LLPH: variants seen among roughly 807,000 people sequenced by gnomAD.
LLPH encodes the protein protein LLP homolog.
In LLPH, 5 loss-of-function variants were observed where a neutral mutation model predicts 13.3. That is an observed-to-expected ratio of 0.38 (90% CI 0.20 to 0.79). LLPH has a LOEUF of 0.79. Among genes scored for constraint, LLPH ranks in the 30% least tolerant of loss-of-function variants. The probability of loss-of-function intolerance (pLI) is 0.45; values close to 1 mark genes in which losing one functional copy is unlikely to be tolerated. For synonymous variants in LLPH, 32 were observed against 44.2 expected (o/e 0.72, Z 1.09); for missense variants, 129 against 152.1 (o/e 0.85, Z 0.80).
intron 2 of LLPH, among the ~76,000 whole-genome samples, chr12:66,124,319 C>A (rs538238402): frequency 3.0e-4 from 45 of 152,286 alleles, no homozygotes; most frequent in African/African-American, 1.0e-3. Flanking sequence ...AGTAAGCATA[C>A]CTACACTTCT....
rs963303795 is a variant in LLPH, at chr12:66,122,033, T to C, written c.*1807A>G. On this transcript the variant is annotated 3_prime_UTR_variant, in exon 3 of 3. Transcript: ENST00000266604. ...CCCTCACAAATGCTAGTGTTATTCA[T>C]ACCTACACCAAAGGCAACAAAGATC... 6.6e-6 allele frequency: 1 copy of C among 152,202 alleles called. No individual in the cohort carries two copies. Among genetic ancestry groups the C allele is most frequent in the Non-Finnish European group, 1.5e-5 (1 of 68,032 alleles). 9.4% of individuals were successfully genotyped at this position (152,202 alleles called of 1,614,324 possible).
Position 66,117,878 on chromosome 12 carries a change from TA to T in LLPH, c.*5961del, listed in dbSNP as rs1196520382. On this transcript the variant is annotated 3_prime_UTR_variant, in exon 3 of 3. Coordinates refer to ENST00000266604, the MANE Select transcript of LLPH (RefSeq NM_032338.4). Reference sequence around the variant, plus strand: ...AATTGTGGAAATAGAAAAAAGCTTATAAAAATATAAAATATTTGTGTACAGT... The same window carrying T: ...AATTGTGGAAATAGAAAAAAGCTTATAAAATATAAAATATTTGTGTACAGT... 9.9e-5 allele frequency: 15 copies of T among 152,192 alleles called. No homozygotes were observed. The highest frequency in any genetic ancestry group is 1.4e-4 in the African/African-American group (6 of 41,448). 9.4% of individuals were successfully genotyped at this position (152,192 alleles called of 1,614,324 possible).
Position 66,122,180 on chromosome 12 carries a change from C to A in LLPH, c.*1660G>T, listed in dbSNP as rs1182582724. Reference sequence around the variant, plus strand: ...ATAAGAAAAGTCTACTATATTTAAACAATTCCAAGAGTTTACTGGCATCAA... The same window carrying A: ...ATAAGAAAAGTCTACTATATTTAAAAAATTCCAAGAGTTTACTGGCATCAA... On this transcript the variant is annotated 3_prime_UTR_variant, in exon 3 of 3. Transcript: ENST00000266604. 2 of 152,150 alleles carry A rather than the reference C, an allele frequency of 1.3e-5. No individual in the cohort carries two copies. Among genetic ancestry groups the A allele is most frequent in the African/African-American group, 4.8e-5 (2 of 41,434 alleles). The allele number at this position is 152,150 out of a possible 1,614,324, so 9.4% of individuals were successfully genotyped here.
At position 66,116,555 on chromosome 12, in the gene LLPH, T is replaced by C. The variant is rs1038510379; in HGVS notation, c.*7285A>G. On this transcript the variant is annotated 3_prime_UTR_variant, in exon 3 of 3. Transcript: ENST00000266604. ...GCTGAAAGGTATGCAGATCACAAGA[T>C]ACATGACAAATGTACTTTATTACAT... The C allele has an allele frequency of 2.0e-5, 3 of 152,232 alleles. No individual in the cohort carries two copies. The highest frequency in any genetic ancestry group is 4.8e-5 in the African/African-American group (2 of 41,460). The allele number at this position is 152,232 out of a possible 1,614,324, so 9.4% of individuals were successfully genotyped here.
At chr12:66,125,986 G>A (rs893753665) in intron 2 of LLPH, among the ~76,000 whole-genome samples, 2 of 152,138 alleles carry the variant, frequency 1.3e-5, no homozygotes, top group Non-Finnish European at 2.9e-5. Flanking sequence ...CAGAGTTGAT[G>A]ACTCAAGGGG....
chr12:66,122,186 C>A lies in LLPH; in HGVS notation c.*1654G>T, dbSNP rs1296516194. On this transcript the variant is annotated 3_prime_UTR_variant, in exon 3 of 3. Coordinates refer to ENST00000266604, the MANE Select transcript of LLPH (RefSeq NM_032338.4). ...AAAGTCTACTATATTTAAACAATTC[C>A]AAGAGTTTACTGGCATCAAATTTTA... The A allele has an allele frequency of 6.6e-6, 1 of 151,978 alleles. No homozygotes were observed. Among genetic ancestry groups the A allele is most frequent in the Admixed American group, 6.6e-5 (1 of 15,252 alleles). The allele number at this position is 151,978 out of a possible 1,614,324, so 9.4% of individuals were successfully genotyped here. A position where few individuals can be genotyped will look rare whatever the true frequency, so the allele number is the denominator to read the frequency against.
intron 2 of LLPH, among the ~76,000 whole-genome samples, chr12:66,127,162 A>G (rs1385053565): frequency 6.6e-6 from 1 of 152,204 alleles, no homozygotes; most frequent in African/African-American, 2.4e-5. Context: ...GAACATTAAA[A>G]AGAATTACCA....
intron 2 of LLPH, among the ~76,000 whole-genome samples, chr12:66,125,933 G>A (rs2051493400): frequency 6.6e-6 from 1 of 152,216 alleles, no homozygotes; most frequent in Non-Finnish European, 1.5e-5. Context: ...AAAGCAAATT[G>A]TAATTAATAC....
chr12:66,127,508 G>C (rs1463726673), intron 2 of LLPH, among the ~76,000 whole-genome samples: 1 of 149,630 alleles, frequency 6.7e-6, no homozygotes, highest in African/African-American at 2.4e-5. Context: ...AGAGGCTGGG[G>C]GTAGGAGGAG....
At chr12:66,126,295 G>C (rs1246835486) in intron 2 of LLPH, among the ~76,000 whole-genome samples, 4 of 150,030 alleles carry the variant, frequency 2.7e-5, no homozygotes, top group Admixed American at 2.7e-4. Flanking sequence ...CTGCACTCCA[G>C]CCTGGGCGAC....
chr12:66,125,945 C>G (rs2051493508), intron 2 of LLPH, among the ~76,000 whole-genome samples: 1 of 152,124 alleles, frequency 6.6e-6, no homozygotes, highest in South Asian at 2.1e-4. Context: ...AATTAATACC[C>G]TTAGGAGAAG....
chr12:66,122,479 T>C lies in LLPH; in HGVS notation c.*1361A>G, dbSNP rs752356784. 3.9e-5 allele frequency: 6 copies of C among 152,184 alleles called. No homozygotes were observed. Among genetic ancestry groups the C allele is most frequent in the Non-Finnish European group, 1.5e-5 (1 of 68,030 alleles). 9.4% of individuals were successfully genotyped at this position (152,184 alleles called of 1,614,324 possible). A position where few individuals can be genotyped will look rare whatever the true frequency, so the allele number is the denominator to read the frequency against. On this transcript the variant is annotated 3_prime_UTR_variant, in exon 3 of 3. Transcript: ENST00000266604. ...TCTGGAAAGTCCCTGGCCCACATAC[T>C]AGGCACTCAGTAAGTATTTGGTTGT...
intron 1 of LLPH, among the ~76,000 whole-genome samples, chr12:66,129,510 C>T (rs1037611525): frequency 1.3e-5 from 2 of 151,952 alleles, no homozygotes; most frequent in Non-Finnish European, 2.9e-5. Flanking sequence ...CTCAGCCTCC[C>T]GAGCAGCTGG....
In LLPH at chr12:66,128,966, T is replaced by C. The variant is rs774350278; in HGVS notation, c.141A>G (p.Ile47Met). The change falls in exon 2 of 3, where the codon ATA becomes ATG. Residue 47 changes from isoleucine to methionine, a missense_variant. By Grantham distance (10) the Ile-to-Met change is conservative (BLOSUM62 1). Coordinates refer to ENST00000266604, the MANE Select transcript of LLPH (RefSeq NM_032338.4). ...GDVLMKDVQEIATVVVPKPKH... is the reference protein window; with the variant it reads ...GDVLMKDVQEMATVVVPKPKH... ...TGGGTTTGGGTACCACCACAGTTGC[T>C]ATCTCTTGAACATCTTTCATTAAAA... 1.8e-5 allele frequency: 29 copies of C among 1,613,526 alleles called. No homozygotes were observed. Among genetic ancestry groups the C allele is most frequent in the Non-Finnish European group, 2.3e-5 (27 of 1,179,604 alleles).
Position 66,123,600 on chromosome 12 carries a change from A to T in LLPH, c.*240T>A. On this transcript the variant is annotated 3_prime_UTR_variant, in exon 3 of 3. Coordinates refer to ENST00000266604, the MANE Select transcript of LLPH (RefSeq NM_032338.4). ...AACGTTGAGGCCTGATTATAACTGGATATTGGGTAGCATCCAGTTAAAGTA... is the reference window on the plus strand; with the variant it reads ...AACGTTGAGGCCTGATTATAACTGGTTATTGGGTAGCATCCAGTTAAAGTA... 1 of 512,460 alleles carries T rather than the reference A, an allele frequency of 2.0e-6. No homozygotes were observed. The highest frequency in any genetic ancestry group is 3.4e-6 in the Non-Finnish European group (1 of 290,234). 31.7% of individuals were successfully genotyped at this position (512,460 alleles called of 1,614,324 possible). A position where few individuals can be genotyped will look rare whatever the true frequency, so the allele number is the denominator to read the frequency against.
rs183158717 is a variant in LLPH at position 66,116,896 on chromosome 12, T to C, written c.*6944A>G. The C allele has an allele frequency of 3.3e-5, 5 of 152,320 alleles. No individual in the cohort carries two copies. Among genetic ancestry groups the C allele is most frequent in the Admixed American group, 3.3e-4 (5 of 15,300 alleles). The allele number at this position is 152,320 out of a possible 1,614,324, so 9.4% of individuals were successfully genotyped here. ...TTGTTTAAAGCAGATGTTTATAACA[T>C]TTTTCCATACTTTAAAGTGGAACTT... On this transcript the variant is annotated 3_prime_UTR_variant, in exon 3 of 3. Transcript: ENST00000266604.
chr12:66,128,712 G>C (rs992419934), intron 2 of LLPH, among the ~76,000 whole-genome samples, 184 bp downstream of exon 2: 1 of 151,964 alleles, frequency 6.6e-6, no homozygotes, highest in African/African-American at 2.4e-5. Context: ...GGGCACTGTG[G>C]TTCATGCCTG....
chr12:66,127,938 G>A (rs1284110296), intron 2 of LLPH, among the ~76,000 whole-genome samples: 1 of 152,196 alleles, frequency 6.6e-6, no homozygotes, highest in East Asian at 1.9e-4. Context: ...GTTAACGGTG[G>A]AGAGGATTCA....
At chr12:66,130,659 G>C (rs766660076) in intron 1 of LLPH, 46 bp downstream of exon 1, 2 of 152,290 alleles carry the variant, frequency 1.3e-5, no homozygotes, top group Non-Finnish European at 2.9e-5. Context: ...GCGGAATCAA[G>C]CCCCAAGTCC....
Sources: allele counts gnomAD v4.1 joint callset (sites outside exome capture counted in the v4.1 genomes callset), GRCh38; gene constraint gnomAD v4.1.1; transcripts MANE v1.5; gene names NCBI Gene and HGNC (gene_info 2026-07-23, HGNC 2026-07-21).